PAN3: variants seen among roughly 807,000 people sequenced by gnomAD.
PAN3 encodes poly(A) specific ribonuclease subunit PAN3, also known as PAN2-PAN3 deadenylation complex subunit PAN3.
Under a neutral mutation model 96.2 loss-of-function variants are expected in PAN3, and 19 were observed. The observed-to-expected ratio is 0.20, with a 90% CI of 0.14 to 0.29. The LOEUF (loss-of-function observed/expected upper bound fraction) is 0.29, where lower values mean the gene tolerates loss of function less well. Among genes scored for constraint, PAN3 ranks in the 10% least tolerant of loss-of-function variants. The pLI, the probability that PAN3 is intolerant of heterozygous loss-of-function variation, is 1.00. For synonymous variants in PAN3, 433 were observed against 406.6 expected (o/e 1.06, Z -0.78); for missense variants, 882 against 1,108.1 (o/e 0.80, Z 2.90).
intron 16 of PAN3, among the ~76,000 whole-genome samples, chr13:28,280,742 G>T (rs1259254398): frequency 6.6e-6 from 1 of 151,512 alleles, no homozygotes; most frequent in East Asian, 1.9e-4. Context: ...TGTATTGTTA[G>T]TAGAGACGGG....
chr13:28,158,169 C>T (rs904875757), intron 1 of PAN3, among the ~76,000 whole-genome samples: 3 of 152,170 alleles, frequency 2.0e-5, no homozygotes, highest in Non-Finnish European at 4.4e-5. Flanking sequence ...AACTGGACAC[C>T]TTTGTTACAC....
chr13:28,211,365 TTG>T, intron 5 of PAN3, among the ~76,000 whole-genome samples: 1 of 152,322 alleles, frequency 6.6e-6, no homozygotes, highest in Non-Finnish European at 1.5e-5. Context: ...ATAGAAATAA[TTG>T]TATTGGAGAA....
intron 5 of PAN3, chr13:28,215,862 A>C (rs1023783694): frequency 7.3e-7 from 1 of 1,376,796 alleles, no homozygotes; most frequent in African/African-American, 1.4e-5. Flanking sequence ...TGGCAAGGTC[A>C]CCAGGTTTGC....
chr13:28,157,264 G>A (rs899522105), intron 1 of PAN3, among the ~76,000 whole-genome samples: 5 of 152,090 alleles, frequency 3.3e-5, no homozygotes, highest in African/African-American at 7.2e-5. Context: ...ACCCACAGCA[G>A]CATCATAACT....
At chr13:28,214,952 A>T in intron 5 of PAN3, 1 of 1,371,532 alleles carries the variant, frequency 7.3e-7, no homozygotes, top group Non-Finnish European at 1.0e-6. Context: ...TGGGTGTGAA[A>T]CAACTAATTG....
In PAN3 at chr13:28,261,292, A is replaced by G. The variant is rs1475371472; in HGVS notation, c.1354-109A>G. On this transcript the variant is annotated intron_variant, in intron 8 of 18. Transcript: ENST00000380958. ...TAATATTTAAATGATTTTAATATTT[A>G]AAAAGTGCATATGCCAAAAATATTA... 3 of 643,900 alleles carry G rather than the reference A, an allele frequency of 4.7e-6. No homozygotes were observed. The East Asian group carries it at 1.0e-4, about 21-fold the overall frequency. 39.9% of individuals were successfully genotyped at this position (643,900 alleles called of 1,614,324 possible).
chr13:28,177,233 ACTT>A (rs1324359336), intron 3 of PAN3, among the ~76,000 whole-genome samples: 2 of 152,190 alleles, frequency 1.3e-5, no homozygotes, highest in African/African-American at 4.8e-5. Context: ...TTTATTTGTA[ACTT>A]CTTTCTACAG....
chr13:28,235,974 C>G (rs1883065157), intron 6 of PAN3, among the ~76,000 whole-genome samples: 1 of 151,660 alleles, frequency 6.6e-6, no homozygotes, highest in Admixed American at 6.6e-5. Context: ...TCAAATGATC[C>G]TCCTGCTTCC....
In PAN3 at chr13:28,256,268, G is replaced by T. The variant is rs372160012; in HGVS notation, c.1001-24G>T. ...CTAAAACCAATTATTGCTCCATTAA[G>T]AAACATTTTTACATCTTCTTCAGGA... On this transcript the variant is annotated intron_variant, in intron 6 of 18. Transcript: ENST00000380958. The T allele has an allele frequency of 8.1e-6, 13 of 1,599,554 alleles. No individual in the cohort carries two copies. The African/African-American group carries it at 1.2e-4, about 15-fold the overall frequency.
intron 9 of PAN3, 118 bp downstream of exon 9, chr13:28,261,576 T>A: frequency 2.6e-6 from 2 of 777,916 alleles, no homozygotes; most frequent in Non-Finnish European, 1.9e-6. Context: ...CTCATACCTG[T>A]AATCCCAGCA....
chr13:28,211,186 C>T (rs903735315), intron 5 of PAN3, among the ~76,000 whole-genome samples: 7 of 152,086 alleles, frequency 4.6e-5, no homozygotes, highest in Non-Finnish European at 8.8e-5. Context: ...CAGGTGTGAG[C>T]GGCCATGCCT....
Position 28,138,648 on chromosome 13 carries a change from C to T in PAN3, c.-10C>T. On this transcript the variant is annotated 5_prime_UTR_variant, in exon 1 of 19. Transcript: ENST00000380958. ...CGGGCGGCGGCGGAAGACGAGGCTGCGGCGTTGCCATGAACAGTGGCGGCG... is the reference window on the plus strand; with the variant it reads ...CGGGCGGCGGCGGAAGACGAGGCTGTGGCGTTGCCATGAACAGTGGCGGCG... The T allele has an allele frequency of 1.7e-6, 1 of 574,108 alleles. No individual in the cohort carries two copies. Among genetic ancestry groups the T allele is most frequent in the South Asian group, 3.6e-5 (1 of 27,724 alleles). 35.6% of individuals were successfully genotyped at this position (574,108 alleles called of 1,614,324 possible).
chr13:28,272,465 A>G (rs1388414496), intron 14 of PAN3, among the ~76,000 whole-genome samples: 1 of 151,884 alleles, frequency 6.6e-6, no homozygotes, highest in Non-Finnish European at 1.5e-5. Flanking sequence ...TTGTAGAGAT[A>G]GAGGCTCACG....
chr13:28,224,543 T>G (rs78602523), intron 6 of PAN3, among the ~76,000 whole-genome samples: 1,558 of 152,354 alleles, frequency 0.01, 24 homozygotes, highest in African/African-American at 0.035. Context: ...ACAGTGATTT[T>G]CAGCATTTGT....
At chr13:28,169,884 T>TA (rs1874083464) in intron 1 of PAN3, among the ~76,000 whole-genome samples, 1 of 151,712 alleles carries the variant, frequency 6.6e-6, no homozygotes, top group African/African-American at 2.4e-5. Context: ...CCATCTTTAC[T>TA]AAAAATACAA....
chr13:28,243,641 G>A (rs994155464), intron 6 of PAN3, among the ~76,000 whole-genome samples: 1 of 151,966 alleles, frequency 6.6e-6, no homozygotes, highest in Non-Finnish European at 1.5e-5. Context: ...TCTGAGAAGA[G>A]GCTAACAGTG....
rs1869881360 is a variant in PAN3, at chr13:28,292,524, A to G, written c.*2A>G. ...GCAGCTGCAAATGGTCAGTTGTAGT[A>G]TTTGCTAAAAAAGCACGCAGGACAT... On this transcript the variant is annotated 3_prime_UTR_variant, in exon 19 of 19. Transcript: ENST00000380958. The G allele has an allele frequency of 6.2e-7, 1 of 1,605,012 alleles. No homozygotes were observed. The highest frequency in any genetic ancestry group is 8.5e-7 in the Non-Finnish European group (1 of 1,176,782).
chr13:28,226,559 A>G (rs1430097102), intron 6 of PAN3, among the ~76,000 whole-genome samples: 1 of 152,230 alleles, frequency 6.6e-6, no homozygotes, highest in Non-Finnish European at 1.5e-5. Flanking sequence ...AATGGTGTTT[A>G]ATAAATGCTT....
intron 5 of PAN3, among the ~76,000 whole-genome samples, chr13:28,207,440 GA>G (rs1227568564): frequency 3.3e-5 from 5 of 152,036 alleles, no homozygotes; most frequent in African/African-American, 2.4e-5. Context: ...GTCATTGGGG[GA>G]AAAAAGGTCA....
Sources: allele counts gnomAD v4.1 joint callset (sites outside exome capture counted in the v4.1 genomes callset), GRCh38; gene constraint gnomAD v4.1.1; transcripts MANE v1.5; gene names NCBI Gene and HGNC (gene_info 2026-07-23, HGNC 2026-07-21).